Variants in EYS observed in about 807,000 individuals in gnomAD.
The protein encoded by EYS is protein eyes shut homolog.
In EYS, 250 loss-of-function variants were observed where a neutral mutation model predicts 282.1. The observed-to-expected ratio is 0.89, with a 90% CI of 0.80 to 0.98. The LOEUF (loss-of-function observed/expected upper bound fraction) is 0.98. Ranked by LOEUF, EYS falls within the 50% of genes least tolerant of loss-of-function variation. EYS has a pLI of 0.00. For synonymous variants in EYS, 1,355 were observed against 1,282.9 expected (o/e 1.06, Z -1.20); for missense variants, 4,016 against 3,709.0 (o/e 1.08, Z -2.15).
chr6:64,685,902 A>G (rs1469568327), intron 22 of EYS, among the ~76,000 whole-genome samples: 1 of 152,162 alleles, frequency 6.6e-6, no homozygotes, highest in African/African-American at 2.4e-5. Context: ...TGGGCTACAG[A>G]ATATATCTCA....
At chr6:64,852,507 A>G (rs1017787744) in intron 19 of EYS, among the ~76,000 whole-genome samples, 4 of 152,052 alleles carry the variant, frequency 2.6e-5, no homozygotes, top group Non-Finnish European at 4.4e-5. Flanking sequence ...TGATCTTGTG[A>G]GTTGATACTA....
At chr6:64,683,951 G>A (rs1044728626) in intron 22 of EYS, among the ~76,000 whole-genome samples, 15 of 152,028 alleles carry the variant, frequency 9.9e-5, no homozygotes, top group African/African-American at 2.9e-4. Flanking sequence ...AGCTTCCCCC[G>A]CCCTAGTCTG....
intron 30 of EYS, among the ~76,000 whole-genome samples, chr6:64,297,316 A>C (rs1355543410): frequency 1.3e-5 from 2 of 152,180 alleles, no homozygotes; most frequent in African/African-American, 2.4e-5. Context: ...TTTGGAAGCT[A>C]GCCATTAAAG....
At chr6:65,555,716 T>G (rs1768774739) in intron 2 of EYS, among the ~76,000 whole-genome samples, 1 of 152,290 alleles carries the variant, frequency 6.6e-6, no homozygotes, top group South Asian at 2.1e-4. Context: ...AATTAGTTTT[T>G]GGGACTCTAA....
intron 32 of EYS, among the ~76,000 whole-genome samples, chr6:64,079,933 T>G (rs528519892): frequency 2.6e-5 from 4 of 152,302 alleles, no homozygotes; most frequent in East Asian, 1.9e-4. Flanking sequence ...GTTCCATGGT[T>G]TATATGTGCC....
At chr6:64,950,574 C>A (rs1769453221) in intron 14 of EYS, among the ~76,000 whole-genome samples, 1 of 150,938 alleles carries the variant, frequency 6.6e-6, no homozygotes, top group Admixed American at 6.6e-5. Flanking sequence ...ACAAGAAAAT[C>A]TTTTAGAGAA....
chr6:64,258,213 G>A (rs1017241110), intron 30 of EYS, among the ~76,000 whole-genome samples: 8 of 152,012 alleles, frequency 5.3e-5, no homozygotes, highest in African/African-American at 1.9e-4. Flanking sequence ...GAAATAGGCT[G>A]CTTATTTCAA....
chr6:64,740,732 T>TTTG (rs1772341120), intron 22 of EYS, among the ~76,000 whole-genome samples: 1 of 151,668 alleles, frequency 6.6e-6, no homozygotes, highest in African/African-American at 2.4e-5. Flanking sequence ...TTTTTTTTTT[T>TTTG]TTACTGAGTC....
chr6:65,454,582 G>A (rs1764533648), intron 5 of EYS, among the ~76,000 whole-genome samples: 1 of 150,440 alleles, frequency 6.6e-6, no homozygotes, highest in South Asian at 2.1e-4. Flanking sequence ...AAAAATCCTT[G>A]CCCAGCCCAA....
intron 33 of EYS, among the ~76,000 whole-genome samples, chr6:64,053,279 A>G (rs945196581): frequency 6.6e-6 from 1 of 152,046 alleles, no homozygotes; most frequent in Non-Finnish European, 1.5e-5. Flanking sequence ...CTAGAAAATA[A>G]AAGTTTTAGA....
chr6:64,688,329 T>G (rs562328581), intron 22 of EYS, among the ~76,000 whole-genome samples: 29 of 152,304 alleles, frequency 1.9e-4, no homozygotes, highest in African/African-American at 6.7e-4. Flanking sequence ...GGTGTCAATT[T>G]TAGATCTTCC....
At chr6:64,418,176 C>T (rs1379364505) in intron 28 of EYS, among the ~76,000 whole-genome samples, 1 of 151,934 alleles carries the variant, frequency 6.6e-6, no homozygotes, top group Non-Finnish European at 1.5e-5. Flanking sequence ...ACAGAAGAGG[C>T]TATCCTTTAA....
intron 24 of EYS, among the ~76,000 whole-genome samples, chr6:64,607,783 A>G (rs796422571): frequency 5.3e-5 from 8 of 152,188 alleles, no homozygotes; most frequent in African/African-American, 1.9e-4. Context: ...CAGAGTGAAA[A>G]CTTTCTGACG....
rs146682565 is a variant in EYS at position 64,937,335 on chromosome 6, G to A, written c.2381+8458C>T. ...AAATTAAAATTGTTTGTGCCTGAAA[G>A]GACACCATGAAGAAAAAGATAACTC... On this transcript the variant is annotated intron_variant, in intron 15 of 42. Transcript: ENST00000503581. Among the ~76,000 whole-genome samples the A allele has an allele frequency of 4.0e-5, 6 of 151,570 alleles. No homozygotes were observed. In the East Asian group the frequency reaches 5.8e-4, roughly 15 times the overall value.
At chr6:63,981,981 A>G (rs560707193) in intron 35 of EYS, among the ~76,000 whole-genome samples, 1 of 152,020 alleles carries the variant, frequency 6.6e-6, no homozygotes, top group African/African-American at 2.4e-5. Context: ...TTATATATAC[A>G]TCCTGTTAGG....
chr6:65,495,709 C>G, intron 3 of EYS, 102 bp from the exon 4 acceptor site: 1 of 421,970 alleles, frequency 2.4e-6, no homozygotes. Context: ...GCCTACACTG[C>G]AAAGATAGTG....
chr6:63,951,766 A>G (rs1026749513), intron 35 of EYS, among the ~76,000 whole-genome samples: 1 of 119,648 alleles, frequency 8.4e-6, no homozygotes, highest in Non-Finnish European at 1.6e-5. Context: ...CTCAAGGTTA[A>G]TGCTTTTTTT....
At chr6:65,517,179 G>T (rs1404695446) in intron 2 of EYS, among the ~76,000 whole-genome samples, 2 of 151,678 alleles carry the variant, frequency 1.3e-5, no homozygotes, top group African/African-American at 4.8e-5. Context: ...CGTGTGGAAG[G>T]GCTGTATATC....
chr6:65,215,018 C>A (rs1012083453), intron 12 of EYS, among the ~76,000 whole-genome samples: 1 of 152,104 alleles, frequency 6.6e-6, no homozygotes, highest in Non-Finnish European at 1.5e-5. Context: ...AAAGTACCTG[C>A]TTACCCAAGA....
Sources: gnomAD v4.1 joint callset for allele counts (sites outside exome capture counted in the v4.1 genomes callset) on GRCh38, gnomAD v4.1.1 for gene constraint, MANE v1.5 for transcripts, NCBI Gene and HGNC (gene_info 2026-07-23, HGNC 2026-07-21) for gene names.